Variants in LETM2 observed in about 807,000 individuals in gnomAD.
LETM2 encodes LETM1 domain-containing protein LETM2, mitochondrial.
LETM2 carries 58 observed loss-of-function variants against 59.6 expected under a neutral mutation model. The observed-to-expected ratio is 0.97, with a 90% CI of 0.79 to 1.21. The LOEUF is 1.21. Ranked by LOEUF, LETM2 falls within the 50% of genes most tolerant of loss-of-function variation. The pLI, the probability that LETM2 is intolerant of heterozygous loss-of-function variation, is 0.00. For missense variants in LETM2, 572 were observed against 575.7 expected (o/e 0.99, Z 0.07); for synonymous variants, 199 against 214.1 (o/e 0.93, Z 0.62).
At chr8:38,404,985 A>G (rs1045402489) in intron 8 of LETM2, among the ~76,000 whole-genome samples, 3 of 151,116 alleles carry the variant, frequency 2.0e-5, no homozygotes, top group Non-Finnish European at 4.4e-5. Context: ...CAAACAAAAC[A>G]AAACAGAAAA....
intron 2 of LETM2, among the ~76,000 whole-genome samples, chr8:38,391,023 G>A (rs1812199431): frequency 6.6e-6 from 1 of 151,392 alleles, no homozygotes. Context: ...TTTTTGGCAT[G>A]TTCTAAAATA....
In LETM2 at chr8:38,404,451, C is replaced by G; in HGVS notation, c.1163C>G (p.Thr388Ser). The G allele has an allele frequency of 1.9e-6, 3 of 1,614,136 alleles. No homozygotes were observed. The highest frequency in any genetic ancestry group is 2.5e-6 in the Non-Finnish European group (3 of 1,180,000). ...VPPSLLLLSR[T>S]FYLIDVKPKP... Reference sequence around the variant, plus strand: ...CCTTCCCTTTTGCTCCTGTCCCGCACCTTCTACCTGATAGATGTGAAGCCC... The same window carrying G: ...CCTTCCCTTTTGCTCCTGTCCCGCAGCTTCTACCTGATAGATGTGAAGCCC... Residue 388 changes from threonine (T) to serine (S), a missense_variant, in exon 8 of 11, where the codon ACC (threonine) becomes AGC (serine). Thr to Ser is a moderately conservative substitution (Grantham distance 58, BLOSUM62 1). Coordinates refer to ENST00000379957, the MANE Select transcript of LETM2 (RefSeq NM_001286819.2).
At chr8:38,383,086 C>A (rs1811645057), upstream of LETM2, 1 of 152,380 alleles carries the variant, frequency 6.6e-6, no homozygotes, top group African/African-American at 2.4e-5. Context: ...GGGACCGCGA[C>A]GGCTCCGTGA....
At chr8:38,401,887 T>C (rs753081227) in intron 6 of LETM2, among the ~76,000 whole-genome samples, 1 of 152,166 alleles carries the variant, frequency 6.6e-6, no homozygotes, top group Non-Finnish European at 1.5e-5. Context: ...GGAAGGAATG[T>C]TTGACTCAGA....
At chr8:38,382,815 G>GA (rs1207408292), upstream of LETM2, 1 of 152,290 alleles carries the variant, frequency 6.6e-6, no homozygotes, top group African/African-American at 2.4e-5. This position sits in a 1 kb window ranked among gnomAD's most constrained non-coding sequence, Gnocchi z 4.2. Flanking sequence ...TCTGCATTTG[G>GA]AAAGCCGGGG....
Position 38,394,242 on chromosome 8 carries a change from G to T in LETM2, c.645+1G>T, listed in dbSNP as rs1812513765. 3 of 1,453,780 alleles carry T rather than the reference G, an allele frequency of 2.1e-6. No homozygotes were observed. Among genetic ancestry groups the T allele is most frequent in the Middle Eastern group, 1.8e-4 (1 of 5,680 alleles). The allele number at this position is 1,453,780 out of a possible 1,614,324, so 90.1% of individuals were successfully genotyped here. A position where few individuals can be genotyped will look rare whatever the true frequency, so the allele number is the denominator to read the frequency against. ...AACTTTTGAAAGTGAATCCAAAAAG[G>T]TATGATTTTTTAACTTTAATAAAAT... On this transcript the variant is annotated splice_donor_variant, in intron 4 of 10. Coordinates refer to ENST00000379957, the MANE Select transcript of LETM2 (RefSeq NM_001286819.2). LOFTEE classifies it high-confidence loss of function.
chr8:38,400,169 G>A (rs1813068919), intron 4 of LETM2, 103 bp from the exon 5 acceptor site: 1 of 860,898 alleles, frequency 1.2e-6, no homozygotes, highest in East Asian at 2.6e-5. Flanking sequence ...ATTACATGAT[G>A]TAGGGATGAG....
At chr8:38,383,469 G>GACTA (rs1341223094), upstream of LETM2, 1 of 152,194 alleles carries the variant, frequency 6.6e-6, no homozygotes, top group African/African-American at 2.4e-5. Context: ...ATACTCTGTA[G>GACTA]ACGTTATAGT....
At chr8:38,385,582 G>C (rs1811739424), upstream of LETM2, among the ~76,000 whole-genome samples, 1 of 152,062 alleles carries the variant, frequency 6.6e-6, no homozygotes, top group Non-Finnish European at 1.5e-5. Flanking sequence ...TTTTTTAGTA[G>C]AGACAGGGTT....
upstream of LETM2, chr8:38,383,218 G>C (rs1256429265): frequency 6.6e-6 from 1 of 152,338 alleles, no homozygotes; most frequent in Non-Finnish European, 1.5e-5. Context: ...GCAACTCTCC[G>C]TCATCCTCTA....
chr8:38,388,083 T>C (rs768156690), intron 2 of LETM2, 53 bp downstream of exon 2: 123 of 919,498 alleles, frequency 1.3e-4, no homozygotes, highest in Admixed American at 2.2e-4. Flanking sequence ...TCTTCTTCTT[T>C]TTTTTTTTTT....
At position 38,406,976 on chromosome 8, in the gene LETM2, C is replaced by T; in HGVS notation, c.1249C>T (p.Pro417Ser). 6.2e-7 allele frequency: 1 copy of T among 1,611,440 alleles called. No homozygotes were observed. The highest frequency in any genetic ancestry group is 8.5e-7 in the Non-Finnish European group (1 of 1,177,622). The stretch of plus-strand genomic sequence containing the variant: ...AAAGACTGATATTCTTGTGGAATTA[C>T]CTACTTTCACTGAATCTAAAGAGAA... The part of the protein sequence containing the change: ...APKTDILVEL[P>S]TFTESKENMV... Residue 417 changes from proline to serine, a missense_variant, in exon 9 of 11, where the codon CCT becomes TCT. Transcript: ENST00000379957.
chr8:38,391,120 G>A (rs1812204650), intron 2 of LETM2, among the ~76,000 whole-genome samples: 1 of 145,876 alleles, frequency 6.9e-6, no homozygotes, highest in Non-Finnish European at 1.5e-5. Flanking sequence ...CATGGCTGCA[G>A]TGAGCCGTGA....
intron 4 of LETM2, among the ~76,000 whole-genome samples, chr8:38,394,845 C>CA (rs34403974): frequency 0.014 from 1,206 of 84,412 alleles, 14 homozygotes; most frequent in African/African-American, 0.032. Context: ...GACCCTGTCT[C>CA]AAAAAAAAAA....
chr8:38,387,302 TGTC>T (rs1370101690), intron 1 of LETM2: 2 of 152,292 alleles, frequency 1.3e-5, no homozygotes, highest in Non-Finnish European at 2.9e-5. Flanking sequence ...CCATTGGGAA[TGTC>T]AGCTCTTCTG....
chr8:38,394,193 ACT>A lies in LETM2; in HGVS notation c.600_601del (p.Phe201ProfsTer9), dbSNP rs1812509642. On this transcript the variant is annotated frameshift_variant, in exon 4 of 11. Transcript: ENST00000379957. LOFTEE classifies it high-confidence loss of function. Reference sequence around the variant, plus strand: ...AATTCTTATTACCAGTGTTTCTGAAACTCTTCCCAGAGATGTTGCCATCAACT... The same window carrying A: ...AATTCTTATTACCAGTGTTTCTGAAACTTCCCAGAGATGTTGCCATCAACT... Reference protein sequence around the residue: ...MEFLLPVFLKLFPEMLPSTFE... With the variant: ...MEFLLPVFLKXFPEMLPSTFE... The A allele has an allele frequency of 6.6e-7, 1 of 1,515,772 alleles. No homozygotes were observed. The highest frequency in any genetic ancestry group is 8.8e-7 in the Non-Finnish European group (1 of 1,139,006). 93.9% of individuals were successfully genotyped at this position (1,515,772 alleles called of 1,614,324 possible).
intron 7 of LETM2, 53 bp downstream of exon 7, chr8:38,402,697 T>C (rs1000365460): frequency 6.4e-7 from 1 of 1,571,098 alleles, no homozygotes; most frequent in Non-Finnish European, 8.7e-7. Context: ...TCTCCTACAA[T>C]ATGCAGACCT....
intron 4 of LETM2, among the ~76,000 whole-genome samples, chr8:38,399,052 A>AT (rs137895240): frequency 1.7e-3 from 253 of 145,702 alleles, no homozygotes; most frequent in East Asian, 4.2e-3. Flanking sequence ...CTATTGTGTG[A>AT]TTTTTTTTTT....
In LETM2 at chr8:38,388,457, C is replaced by T. The variant is rs186764119; in HGVS notation, c.47+427C>T. Among the ~76,000 whole-genome samples, 8 of 151,120 alleles carry T rather than the reference C, an allele frequency of 5.3e-5. No individual in the cohort carries two copies. The East Asian group carries it at 1.6e-3, about 31-fold the overall frequency. The stretch of plus-strand genomic sequence containing the variant: ...TTCTTGGAGGCTGGGTGCAGTGGCT[C>T]ACACCTGTAATCCCAGCACTTTGGG... On this transcript the variant is annotated intron_variant, in intron 2 of 10. Transcript: ENST00000379957.
Sources: allele counts gnomAD v4.1 joint callset (sites outside exome capture counted in the v4.1 genomes callset), GRCh38; gene constraint gnomAD v4.1.1; non-coding constraint Gnocchi (gnomAD v3.1); transcripts MANE v1.5; gene names NCBI Gene and HGNC (gene_info 2026-07-23, HGNC 2026-07-21).